The following SOS2 variants were observed in gnomAD, a reference collection of about 807,000 sequenced individuals.
The protein encoded by SOS2 is son of sevenless homolog 2.
A neutral mutation model predicts 148.2 loss-of-function variants in SOS2; 65 were observed. That is an observed-to-expected ratio of 0.44 (90% CI 0.36 to 0.54). The LOEUF (loss-of-function observed/expected upper bound fraction) is 0.54, where lower values mean the gene tolerates loss of function less well. Among genes scored for constraint, SOS2 ranks in the 20% least tolerant of loss-of-function variants. SOS2 has a pLI of 0.00. For missense variants in SOS2, 1,341 were observed against 1,590.2 expected (o/e 0.84, Z 2.67); for synonymous variants, 539 against 537.1 (o/e 1.00, Z -0.05).
intron 8 of SOS2, among the ~76,000 whole-genome samples, chr14:50,170,034 T>A (rs1181310512): frequency 1.3e-4 from 19 of 151,656 alleles, no homozygotes; most frequent in Admixed American, 1.2e-3. Flanking sequence ...CAAGCAATCC[T>A]CCTGCCTCAG....
chr14:50,132,273 T>G (rs186624691), intron 19 of SOS2, among the ~76,000 whole-genome samples: 1 of 149,658 alleles, frequency 6.7e-6, no homozygotes, highest in East Asian at 2.0e-4. Flanking sequence ...TCCTAGCACC[T>G]TGGGAGGCTG....
chr14:50,128,073 G>A (rs1248553814), intron 21 of SOS2, among the ~76,000 whole-genome samples: 7 of 152,068 alleles, frequency 4.6e-5, no homozygotes, highest in African/African-American at 7.2e-5. Flanking sequence ...CTTTTCTCAC[G>A]TAGCTACTAA....
rs36219580 is a variant in SOS2 at position 50,161,789 on chromosome 14, C to CTT, written c.1069-182_1069-181dup. On this transcript the variant is annotated intron_variant, in intron 8 of 22. Coordinates refer to ENST00000216373, the MANE Select transcript of SOS2 (RefSeq NM_006939.4). ...CCTCTCAAACCAACCCTTTTTCTTT[C>CTT]TTTTTTTTTTTTTTTTTTGAAACAG... is the stretch of plus-strand genomic sequence containing the variant. Among the ~76,000 whole-genome samples the CTT allele has an allele frequency of 0.021, 2,886 of 135,170 alleles. 52 individuals are homozygous for CTT. The highest frequency in any genetic ancestry group is 0.028 in the Non-Finnish European group (1,746 of 63,116). The allele number at this position is 135,170 out of a possible 152,430, so 88.7% of individuals were successfully genotyped here. A position where few individuals can be genotyped will look rare whatever the true frequency, so the allele number is the denominator to read the frequency against.
chr14:50,178,671 C>CATATATATAT (rs1170021476), intron 7 of SOS2, among the ~76,000 whole-genome samples: 18 of 14,430 alleles, frequency 1.2e-3, no homozygotes, highest in Middle Eastern at 0.029. Flanking sequence ...TGTGTGTGTG[C>CATATATATAT]ATATATATAT....
At chr14:50,145,875 C>G (rs905814109) in intron 14 of SOS2, among the ~76,000 whole-genome samples, 1 of 152,154 alleles carries the variant, frequency 6.6e-6, no homozygotes, top group Non-Finnish European at 1.5e-5. Context: ...TGGCTCATGC[C>G]TGTAATCCCA....
At chr14:50,202,642 G>A (rs1317931493) in intron 2 of SOS2, among the ~76,000 whole-genome samples, 5 of 152,186 alleles carry the variant, frequency 3.3e-5, no homozygotes, top group Non-Finnish European at 7.4e-5. Context: ...GGCTGAGGCA[G>A]GAGAACTGCT....
chr14:50,123,281 G>A (rs1215042999), intron 21 of SOS2, among the ~76,000 whole-genome samples: 1 of 152,028 alleles, frequency 6.6e-6, no homozygotes, highest in Middle Eastern at 3.2e-3. Flanking sequence ...AATAAGTGAT[G>A]AGGTCTGACA....
At chr14:50,145,746 A>T (rs1884446329) in intron 14 of SOS2, 150 bp from the exon 15 acceptor site, 2 of 528,112 alleles carry the variant, frequency 3.8e-6, no homozygotes, top group Non-Finnish European at 6.7e-6. Flanking sequence ...AGACCCAAAT[A>T]GCTACAAACA....
chr14:50,224,738 T>C (rs976929855), intron 1 of SOS2, among the ~76,000 whole-genome samples: 9 of 151,544 alleles, frequency 5.9e-5, no homozygotes, highest in African/African-American at 2.2e-4. Context: ...ATAAGAAAAT[T>C]AGCTGGGTGT....
Position 50,138,611 on chromosome 14 carries a change from C to A in SOS2, c.2958+1G>T. The stretch of plus-strand genomic sequence containing the variant: ...TAAAGATATGCAAAGAAAATATTTA[C>A]CCTCATATCTGGTTCTATCCGTAAA... On this transcript the variant is annotated splice_donor_variant, in intron 18 of 22. Transcript: ENST00000216373. LOFTEE classifies it high-confidence loss of function. 6.8e-7 allele frequency: 1 copy of A among 1,469,316 alleles called. No homozygotes were observed. The highest frequency in any genetic ancestry group is 9.1e-7 in the Non-Finnish European group (1 of 1,098,522). The allele number at this position is 1,469,316 out of a possible 1,614,324, so 91.0% of individuals were successfully genotyped here.
chr14:50,137,255 C>T (rs994665094), intron 18 of SOS2, among the ~76,000 whole-genome samples: 4 of 152,062 alleles, frequency 2.6e-5, no homozygotes, highest in South Asian at 2.1e-4. Flanking sequence ...GAACATCAAT[C>T]GACAGGATGT....
At chr14:50,142,978 A>G (rs954340539) in intron 16 of SOS2, among the ~76,000 whole-genome samples, 10 of 152,234 alleles carry the variant, frequency 6.6e-5, no homozygotes, top group Admixed American at 1.3e-4. Context: ...CTTTCCAGGT[A>G]CAAAAGCAAA....
intron 8 of SOS2, among the ~76,000 whole-genome samples, chr14:50,168,754 T>C (rs971465644): frequency 1.3e-5 from 2 of 152,184 alleles, no homozygotes; most frequent in African/African-American, 4.8e-5. Context: ...GGGATGAGAA[T>C]CATAAGAAAG....
At position 50,180,692 on chromosome 14, in the gene SOS2, T is replaced by A. The variant is rs761341096; in HGVS notation, c.859-10A>T. On this transcript the variant is annotated splice_polypyrimidine_tract_variant and intron_variant, in intron 6 of 22. Transcript: ENST00000216373. ...GATCAAATGCTTGCTCCTATTTTTT[T>A]AAAAAGAGAAAAAGCATTAGGTTTA... is the stretch of plus-strand genomic sequence containing the variant. 48 of 1,448,468 alleles carry A rather than the reference T, an allele frequency of 3.3e-5. No individual in the cohort carries two copies. The Admixed American group carries it at 6.4e-4, about 19-fold the overall frequency. The allele number at this position is 1,448,468 out of a possible 1,614,324, so 89.7% of individuals were successfully genotyped here.
intron 1 of SOS2, among the ~76,000 whole-genome samples, chr14:50,215,937 G>C (rs776936077): frequency 6.6e-6 from 1 of 152,098 alleles, no homozygotes. Context: ...TGAGTTTCAG[G>C]TACAATGTGG....
At chr14:50,210,933 T>C (rs113044881) in intron 1 of SOS2, among the ~76,000 whole-genome samples, 2 of 152,284 alleles carry the variant, frequency 1.3e-5, no homozygotes, top group African/African-American at 2.4e-5. Flanking sequence ...CACACACTGC[T>C]ACTGGAATGT....
At position 50,140,048 on chromosome 14, in the gene SOS2, T is replaced by A; in HGVS notation, c.2679A>T (p.Glu893Asp). 1 of 1,549,654 alleles carries A rather than the reference T, an allele frequency of 6.5e-7. No individual in the cohort carries two copies. The highest frequency in any genetic ancestry group is 8.9e-7 in the Non-Finnish European group (1 of 1,123,424). ...RLDHTFEALQ[E>D]RKRKILDEAV... ...CTTCGTCCAAAATTTTCCTTTTCCT[T>A]TCCTGCAGTGCCTTAAAGTATACAT... The change falls in exon 17 of 23, where the codon GAA becomes GAT. Residue 893 changes from glutamate (E) to aspartate (D), a missense_variant. Coordinates refer to ENST00000216373, the MANE Select transcript of SOS2 (RefSeq NM_006939.4).
intron 5 of SOS2, among the ~76,000 whole-genome samples, chr14:50,185,529 C>G (rs757196686): frequency 6.6e-6 from 1 of 151,616 alleles, no homozygotes; most frequent in Non-Finnish European, 1.5e-5. Flanking sequence ...CCGTTTCTAC[C>G]AAAAGTACAA....
intron 6 of SOS2, among the ~76,000 whole-genome samples, chr14:50,181,101 G>C (rs1885720516): frequency 6.6e-6 from 1 of 152,152 alleles, no homozygotes; most frequent in African/African-American, 2.4e-5. Flanking sequence ...TTCTAAAAAT[G>C]TATCTAGTCT....
Sources: gnomAD v4.1 joint callset for allele counts (sites outside exome capture counted in the v4.1 genomes callset) on GRCh38, gnomAD v4.1.1 for gene constraint, MANE v1.5 for transcripts, NCBI Gene and HGNC (gene_info 2026-07-23, HGNC 2026-07-21) for gene names.